Variants in ZNF618 observed in about 807,000 individuals in gnomAD.
The protein encoded by ZNF618 is zinc finger protein 618.
Under a neutral mutation model 103.0 loss-of-function variants are expected in ZNF618, and 34 were observed. The observed-to-expected ratio is 0.33, with a 90% CI of 0.25 to 0.44. The LOEUF is 0.44. Among genes scored for constraint, ZNF618 ranks in the 20% least tolerant of loss-of-function variants. The probability of loss-of-function intolerance (pLI) is 1.00; values close to 1 mark genes in which losing one functional copy is unlikely to be tolerated. For synonymous variants in ZNF618, 551 were observed against 542.2 expected, an observed-to-expected ratio of 1.02 and a Z score of -0.23; for missense variants, 1,059 against 1,295.4, an observed-to-expected ratio of 0.82 and a Z score of 2.80.
At chr9:113,980,836 G>A (rs11788583) in intron 2 of ZNF618, among the ~76,000 whole-genome samples, 85,845 of 152,020 alleles carry the variant, frequency 0.56, 24,540 homozygotes, top group Middle Eastern at 0.77. Flanking sequence ...GTCCGACGGG[G>A]ACTGAGAAGG....
chr9:113,993,654 G>A (rs961310679), intron 3 of ZNF618, among the ~76,000 whole-genome samples: 4 of 152,198 alleles, frequency 2.6e-5, no homozygotes, highest in Admixed American at 1.3e-4. Context: ...CCAGAGACCC[G>A]AGACTTAACT....
chr9:113,977,575 C>T (rs186930207), intron 2 of ZNF618, among the ~76,000 whole-genome samples: 1 of 152,280 alleles, frequency 6.6e-6, no homozygotes, highest in Admixed American at 6.5e-5. Context: ...TACTCCATAC[C>T]TGTCTGTTGG....
At chr9:113,991,782 T>G (rs2133376069) in intron 3 of ZNF618, among the ~76,000 whole-genome samples, 1 of 152,282 alleles carries the variant, frequency 6.6e-6, no homozygotes, top group Non-Finnish European at 1.5e-5. Flanking sequence ...TAGTACTGCT[T>G]CCCTCCAATT....
chr9:114,036,007 A>ACCCC (rs1033896635), intron 12 of ZNF618, among the ~76,000 whole-genome samples: 15 of 151,718 alleles, frequency 9.9e-5, no homozygotes, highest in African/African-American at 3.4e-4. Flanking sequence ...TGTCCTCCCT[A>ACCCC]CCCCCATCTC....
At chr9:113,878,908 A>G (rs1017632617) in intron 1 of ZNF618, among the ~76,000 whole-genome samples, 1 of 152,020 alleles carries the variant, frequency 6.6e-6, no homozygotes, top group Non-Finnish European at 1.5e-5. Flanking sequence ...GAGGTTTGAC[A>G]TTTCCCATCA....
intron 1 of ZNF618, among the ~76,000 whole-genome samples, chr9:113,881,829 A>T (rs1051846781): frequency 1.4e-4 from 21 of 152,224 alleles, no homozygotes; most frequent in Non-Finnish European, 3.1e-4. Flanking sequence ...AGAGTAGCCC[A>T]CATTTCCCTT....
intron 9 of ZNF618, among the ~76,000 whole-genome samples, chr9:114,013,284 T>C (rs941300840): frequency 6.6e-6 from 1 of 152,184 alleles, no homozygotes; most frequent in South Asian, 2.1e-4. Flanking sequence ...ATGTAAAGAC[T>C]CAATTGTGAG....
chr9:113,926,332 G>A (rs928625021), intron 1 of ZNF618, among the ~76,000 whole-genome samples: 5 of 151,876 alleles, frequency 3.3e-5, no homozygotes, highest in Non-Finnish European at 7.4e-5. Flanking sequence ...TGCAATTTGA[G>A]TATGATACGC....
chr9:114,044,541 T>C (rs1352905595), intron 13 of ZNF618, among the ~76,000 whole-genome samples: 1 of 152,158 alleles, frequency 6.6e-6, no homozygotes, highest in Non-Finnish European at 1.5e-5. Context: ...TTTGGTACCA[T>C]ATAAATTTTA....
intron 13 of ZNF618, among the ~76,000 whole-genome samples, chr9:114,042,287 T>G (rs947464012): frequency 6.6e-6 from 1 of 152,238 alleles, no homozygotes; most frequent in African/African-American, 2.4e-5. Context: ...GAGATATAAT[T>G]TACTAGACAA....
chr9:114,000,060 C>T (rs984555986), intron 4 of ZNF618, among the ~76,000 whole-genome samples: 2 of 152,200 alleles, frequency 1.3e-5, no homozygotes, highest in Non-Finnish European at 2.9e-5. Context: ...TTGTCCTCCA[C>T]GTGATTGTAT....
chr9:114,028,473 T>C (rs1843710716), intron 10 of ZNF618: 1 of 537,758 alleles, frequency 1.9e-6, no homozygotes. Context: ...GTCCAGAGAC[T>C]GGGCTGGTCA....
intron 1 of ZNF618, among the ~76,000 whole-genome samples, chr9:113,946,863 C>T (rs1835086079): frequency 6.6e-6 from 1 of 152,188 alleles, no homozygotes; most frequent in Non-Finnish European, 1.5e-5. Context: ...CTGATGCCAT[C>T]TCTGCTACAG....
intron 1 of ZNF618, among the ~76,000 whole-genome samples, chr9:113,889,883 G>A (rs191312864): frequency 3.3e-5 from 5 of 152,318 alleles, no homozygotes; most frequent in Middle Eastern, 6.8e-3. Context: ...TAATGAGCTC[G>A]GAGGGAGAAT....
chr9:114,005,202 G>A (rs1564286635), intron 6 of ZNF618, among the ~76,000 whole-genome samples: 1 of 152,180 alleles, frequency 6.6e-6, no homozygotes, highest in African/African-American at 2.4e-5. Flanking sequence ...GTTTGATTAG[G>A]CAGCATGAAT....
chr9:113,885,396 G>A (rs922309358), intron 1 of ZNF618, among the ~76,000 whole-genome samples: 1 of 152,158 alleles, frequency 6.6e-6, no homozygotes, highest in African/African-American at 2.4e-5. Context: ...TTAAATACAC[G>A]TTACTTTTTA....
At chr9:113,908,827 C>T (rs1021379366) in intron 1 of ZNF618, among the ~76,000 whole-genome samples, 3 of 152,044 alleles carry the variant, frequency 2.0e-5, no homozygotes, top group South Asian at 2.1e-4. Context: ...CAGCCACCCT[C>T]ACCCTCCAAG....
chr9:113,986,073 T>A (rs1156862032), intron 2 of ZNF618, among the ~76,000 whole-genome samples: 1 of 152,168 alleles, frequency 6.6e-6, no homozygotes, highest in Non-Finnish European at 1.5e-5. Flanking sequence ...CGCCCCTGGG[T>A]GCCAAAGAAG....
At chr9:113,932,760 G>C (rs771740466) in intron 1 of ZNF618, among the ~76,000 whole-genome samples, 4 of 152,128 alleles carry the variant, frequency 2.6e-5, no homozygotes, top group Non-Finnish European at 5.9e-5. Flanking sequence ...CCAGGTATAG[G>C]GGGAGTGGGG....
Sources: gnomAD v4.1 joint callset for allele counts (sites outside exome capture counted in the v4.1 genomes callset) on GRCh38, gnomAD v4.1.1 for gene constraint, MANE v1.5 for transcripts, NCBI Gene and HGNC (gene_info 2026-07-23, HGNC 2026-07-21) for gene names.